TMEM217B: variants seen among roughly 807,000 people sequenced by gnomAD.
The protein encoded by TMEM217B is putative transmembrane protein 217B.
At chr6:37,247,513 A>G in the TMEM217B span, among the ~76,000 whole-genome samples, 3 of 151,348 alleles carry the variant, frequency 2.0e-5, no homozygotes, top group African/African-American at 7.3e-5. Context: ...TCAGCCTCCC[A>G]AGTAGCTGGG....
chr6:37,230,562 G>C, the TMEM217B span, among the ~76,000 whole-genome samples: 1 of 152,132 alleles, frequency 6.6e-6, no homozygotes, highest in African/African-American at 2.4e-5. Context: ...CAGACACACA[G>C]AGAGGGATGA....
the TMEM217B span, among the ~76,000 whole-genome samples, chr6:37,231,147 C>T: frequency 6.6e-6 from 1 of 151,890 alleles, no homozygotes; most frequent in South Asian, 2.1e-4. Context: ...GCAACCTCCA[C>T]CTCCCGGGTT....
the TMEM217B span, chr6:37,217,736 T>C: frequency 1.0e-6 from 1 of 985,394 alleles, no homozygotes; most frequent in African/African-American, 1.7e-5. Context: ...GGGCCAACAG[T>C]ATCCTTTGTG....
At chr6:37,232,900 T>G in the TMEM217B span, among the ~76,000 whole-genome samples, 1 of 152,224 alleles carries the variant, frequency 6.6e-6, no homozygotes, top group Admixed American at 6.5e-5. Flanking sequence ...AGCTTCCTTC[T>G]GCTTATTCCT....
chr6:37,235,017 G>A, the TMEM217B span, among the ~76,000 whole-genome samples: 2 of 152,134 alleles, frequency 1.3e-5, no homozygotes. Flanking sequence ...CTACCCTTAT[G>A]CTGGTGTGGC....
chr6:37,218,158 A>G, the TMEM217B span: 15 of 1,163,354 alleles, frequency 1.3e-5, no homozygotes, highest in Non-Finnish European at 1.5e-5. Flanking sequence ...AGTGGTGGAT[A>G]AAGCTGCTAA....
the TMEM217B span, among the ~76,000 whole-genome samples, chr6:37,236,319 C>A: frequency 6.6e-6 from 1 of 152,052 alleles, no homozygotes; most frequent in East Asian, 1.9e-4. Flanking sequence ...GTTTTTTAGG[C>A]CCTGAACTAA....
the TMEM217B span, among the ~76,000 whole-genome samples, chr6:37,223,871 T>C: frequency 4.0e-5 from 6 of 151,836 alleles, no homozygotes; most frequent in African/African-American, 7.3e-5. Context: ...CAGGCCAGAA[T>C]GGAGTAATGC....
At chr6:37,225,889 C>T in the TMEM217B span, among the ~76,000 whole-genome samples, 1 of 152,188 alleles carries the variant, frequency 6.6e-6, no homozygotes, top group African/African-American at 2.4e-5. Context: ...CCCTTTCCCC[C>T]TTCCTGTTTT....
chr6:37,215,954 T>C, the TMEM217B span, among the ~76,000 whole-genome samples: 1,185 of 152,184 alleles, frequency 7.8e-3, 8 homozygotes, highest in Non-Finnish European at 0.012. Flanking sequence ...CTACCAGCCA[T>C]GTGGATGTTT....
the TMEM217B span, among the ~76,000 whole-genome samples, chr6:37,221,985 G>C: frequency 1.2e-4 from 19 of 152,262 alleles, no homozygotes; most frequent in East Asian, 3.5e-3. Flanking sequence ...GTTCCTCTCT[G>C]TAGCTGGTCC....
At chr6:37,224,508 G>A in the TMEM217B span, among the ~76,000 whole-genome samples, 2 of 151,944 alleles carry the variant, frequency 1.3e-5, no homozygotes, top group South Asian at 2.1e-4. Flanking sequence ...TGAGTCAGGA[G>A]AATGGCGTGA....
chr6:37,222,462 G>A, the TMEM217B span, among the ~76,000 whole-genome samples: 2 of 152,340 alleles, frequency 1.3e-5, no homozygotes, highest in East Asian at 3.9e-4. Flanking sequence ...GGGTCCCCGA[G>A]GGTGCAGGCT....
chr6:37,222,590 G>A, the TMEM217B span, among the ~76,000 whole-genome samples: 1 of 152,248 alleles, frequency 6.6e-6, no homozygotes, highest in East Asian at 1.9e-4. Context: ...CAGGTCTGCA[G>A]CCGTGGGTCC....
the TMEM217B span, among the ~76,000 whole-genome samples, chr6:37,216,910 C>G: frequency 1.1e-3 from 164 of 152,280 alleles, 1 homozygote; most frequent in Middle Eastern, 3.4e-3. Context: ...AGAGCAGGCC[C>G]TTACCAGACA....
At chr6:37,220,645 C>T in the TMEM217B span, among the ~76,000 whole-genome samples, 24 of 151,724 alleles carry the variant, frequency 1.6e-4, no homozygotes, top group Non-Finnish European at 3.4e-4. Context: ...GAAAGTGTGT[C>T]TAAGTGTCTG....
the TMEM217B span, among the ~76,000 whole-genome samples, chr6:37,248,796 T>A: frequency 1.3e-5 from 2 of 152,226 alleles, no homozygotes; most frequent in Non-Finnish European, 2.9e-5. Context: ...ATATCCTGCA[T>A]GAGCTTCCTA....
At chr6:37,240,663 C>T in the TMEM217B span, among the ~76,000 whole-genome samples, 1 of 152,156 alleles carries the variant, frequency 6.6e-6, no homozygotes, top group Non-Finnish European at 1.5e-5. Flanking sequence ...ATTATTGAGG[C>T]AAACTTGAGG....
chr6:37,218,623 T>C, the TMEM217B span: 2 of 1,614,242 alleles, frequency 1.2e-6, no homozygotes, highest in African/African-American at 1.3e-5. Flanking sequence ...AGTGCATGAC[T>C]GTACGAGACA....
Sources: allele counts gnomAD v4.1 joint callset (sites outside exome capture counted in the v4.1 genomes callset), GRCh38; gene constraint gnomAD v4.1.1; transcripts MANE v1.5; gene names NCBI Gene and HGNC (gene_info 2026-07-23, HGNC 2026-07-21).